The following FGGY variants were observed in gnomAD, a reference collection of about 807,000 sequenced individuals.
The protein encoded by FGGY is FGGY carbohydrate kinase domain containing, also known as FGGY carbohydrate kinase domain-containing protein.
Under a neutral mutation model 71.3 loss-of-function variants are expected in FGGY, and 72 were observed. The observed-to-expected ratio is 1.01, with a 90% confidence interval of 0.84 to 1.23. FGGY has a LOEUF of 1.23. Among genes scored for constraint, FGGY ranks in the 50% most tolerant of loss-of-function variants. The pLI, the probability that FGGY is intolerant of heterozygous loss-of-function variation, is 0.00. For synonymous variants in FGGY, 251 were observed against 250.3 expected, an observed-to-expected ratio of 1.00 and a Z score of -0.02; for missense variants, 668 against 682.3, an observed-to-expected ratio of 0.98 and a Z score of 0.23.
At chr1:59,507,119 G>C (rs930635438) in intron 6 of FGGY, among the ~76,000 whole-genome samples, 2 of 152,148 alleles carry the variant, frequency 1.3e-5, no homozygotes, top group African/African-American at 4.8e-5. Flanking sequence ...GAGAAATTAC[G>C]GACAGAAAAA....
intron 5 of FGGY, among the ~76,000 whole-genome samples, chr1:59,394,899 C>T (rs897645081): frequency 6.6e-6 from 1 of 152,070 alleles, no homozygotes; most frequent in African/African-American, 2.4e-5. Flanking sequence ...GACATCTCCT[C>T]AATCTCTGGG....
At chr1:59,683,861 C>G (rs770405454) in intron 14 of FGGY, among the ~76,000 whole-genome samples, 3 of 152,146 alleles carry the variant, frequency 2.0e-5, no homozygotes, top group Non-Finnish European at 4.4e-5. Flanking sequence ...GAAGGGGAAG[C>G]CAAATTAATC....
At chr1:59,604,679 G>C (rs1183170440) in intron 8 of FGGY, among the ~76,000 whole-genome samples, 4 of 152,278 alleles carry the variant, frequency 2.6e-5, no homozygotes, top group African/African-American at 9.6e-5. Flanking sequence ...CATAGAGTTT[G>C]AGGTCAACAT....
At chr1:59,311,262 TC>T (rs1263457688) in intron 1 of FGGY, among the ~76,000 whole-genome samples, 2 of 151,992 alleles carry the variant, frequency 1.3e-5, no homozygotes, top group African/African-American at 4.8e-5. Context: ...TTTTAAAGAT[TC>T]TTTTTTTTCA....
intron 3 of FGGY, among the ~76,000 whole-genome samples, chr1:59,341,453 G>T (rs190361076): frequency 3.9e-5 from 6 of 152,176 alleles, no homozygotes; most frequent in Non-Finnish European, 8.8e-5. Context: ...TGCTGAAAAT[G>T]GATGCAAATA....
intron 2 of FGGY, among the ~76,000 whole-genome samples, chr1:59,338,934 A>G (rs1184827388): frequency 6.6e-6 from 1 of 152,156 alleles, no homozygotes; most frequent in African/African-American, 2.4e-5. Flanking sequence ...TATTGCCACT[A>G]CCATATACAG....
chr1:59,541,759 G>A (rs1193331538), intron 7 of FGGY, among the ~76,000 whole-genome samples: 3 of 151,994 alleles, frequency 2.0e-5, no homozygotes, highest in Non-Finnish European at 4.4e-5. Context: ...ATATGTACAG[G>A]GATACAGATA....
At chr1:59,748,202 G>A (rs573438783) in intron 14 of FGGY, among the ~76,000 whole-genome samples, 20 of 152,194 alleles carry the variant, frequency 1.3e-4, no homozygotes, top group African/African-American at 4.3e-4. Flanking sequence ...CTTTCATGGA[G>A]CTTAGATTCA....
intron 6 of FGGY, among the ~76,000 whole-genome samples, chr1:59,460,263 G>A (rs960526169): frequency 1.4e-4 from 22 of 152,158 alleles, no homozygotes; most frequent in South Asian, 2.1e-4. Flanking sequence ...CGCCTGGCTC[G>A]GCGGGTCCCA....
chr1:59,352,256 AG>A (rs1311678744), intron 4 of FGGY, among the ~76,000 whole-genome samples: 5 of 152,174 alleles, frequency 3.3e-5, no homozygotes, highest in Admixed American at 6.5e-5. Context: ...AGGTCAAGAG[AG>A]TTGCTGAGCT....
At chr1:59,587,242 A>T (rs1322021232) in intron 8 of FGGY, among the ~76,000 whole-genome samples, 1 of 151,968 alleles carries the variant, frequency 6.6e-6, no homozygotes, top group Non-Finnish European at 1.5e-5. Flanking sequence ...AGGCTGGGGG[A>T]GGGGCGCCCG....
At chr1:59,430,676 G>T (rs1350050618) in intron 5 of FGGY, among the ~76,000 whole-genome samples, 1 of 152,160 alleles carries the variant, frequency 6.6e-6, no homozygotes, top group Non-Finnish European at 1.5e-5. Flanking sequence ...ATGGAAAGGA[G>T]ATGGTACACG....
chr1:59,674,832 T>C (rs1396772775), intron 14 of FGGY, among the ~76,000 whole-genome samples: 1 of 152,140 alleles, frequency 6.6e-6, no homozygotes, highest in Non-Finnish European at 1.5e-5. Context: ...GCTAAAATAA[T>C]ACAAGGTAAA....
At chr1:59,612,132 G>T (rs188607667) in intron 9 of FGGY, among the ~76,000 whole-genome samples, 2 of 152,176 alleles carry the variant, frequency 1.3e-5, no homozygotes, top group Non-Finnish European at 2.9e-5. Context: ...TTCAGATTCA[G>T]GAAATACAGA....
At chr1:59,472,974 C>G (rs976392260) in intron 6 of FGGY, among the ~76,000 whole-genome samples, 1 of 152,146 alleles carries the variant, frequency 6.6e-6, no homozygotes, top group Non-Finnish European at 1.5e-5. Flanking sequence ...TGTAAACGCA[C>G]CAATCAGCAC....
chr1:59,485,638 A>C (rs2093635574), intron 6 of FGGY, among the ~76,000 whole-genome samples: 1 of 152,210 alleles, frequency 6.6e-6, no homozygotes, highest in South Asian at 2.1e-4. Context: ...TTGTAGCTAC[A>C]CTTAATCATA....
intron 14 of FGGY, among the ~76,000 whole-genome samples, chr1:59,731,515 A>G (rs2098028931): frequency 1.3e-5 from 2 of 151,934 alleles, no homozygotes. Context: ...CCCTAACCTT[A>G]AGAAGGTTGT....
At chr1:59,491,415 G>A (rs1222430507) in intron 6 of FGGY, among the ~76,000 whole-genome samples, 1 of 151,474 alleles carries the variant, frequency 6.6e-6, no homozygotes, top group Non-Finnish European at 1.5e-5. Flanking sequence ...GGTTTTCCTT[G>A]TAGAGATCTT....
Position 59,694,287 on chromosome 1 carries a change from TTAAATAAATAAATAAA to T in FGGY, c.1512+20187_1512+20202del, listed in dbSNP as rs10590302. 7.0e-3 allele frequency among the ~76,000 whole-genome samples: 1,007 copies of T among 143,814 alleles called. 15 individuals are homozygous for T. Among genetic ancestry groups the T allele is most frequent in the African/African-American group, 0.023 (903 of 39,198 alleles). 94.3% of individuals were successfully genotyped at this position (143,814 alleles called of 152,430 possible). A position where few individuals can be genotyped will look rare whatever the true frequency, so the allele number is the denominator to read the frequency against. On this transcript the variant is annotated intron_variant, in intron 14 of 15. Coordinates refer to ENST00000303721, the MANE Select transcript of FGGY (RefSeq NM_018291.5). ...CTGGGCGACAAAGCAAGACTCCGTC[TTAAATAAATAAATAAA>T]TAAATAAATAAATAAATAAATAAAT...
Sources: gnomAD v4.1 joint callset for allele counts (sites outside exome capture counted in the v4.1 genomes callset) on GRCh38, gnomAD v4.1.1 for gene constraint, MANE v1.5 for transcripts, NCBI Gene and HGNC (gene_info 2026-07-23, HGNC 2026-07-21) for gene names.